The following DNAH8 variants were observed in gnomAD, a reference collection of about 807,000 sequenced individuals.
DNAH8 encodes the protein axonemal beta dynein heavy chain 8.
A neutral mutation model predicts 562.1 loss-of-function variants in DNAH8; 382 were observed. The observed-to-expected ratio is 0.68, with a 90% CI of 0.63 to 0.74. DNAH8 has a LOEUF of 0.74. Ranked by LOEUF, DNAH8 falls within the 30% of genes least tolerant of loss-of-function variation. The pLI is 0.00. For missense variants in DNAH8, 5,203 were observed against 5,620.4 expected, an observed-to-expected ratio of 0.93 and a Z score of 2.37; for synonymous variants, 1,881 against 1,919.4, an observed-to-expected ratio of 0.98 and a Z score of 0.52.
rs750470050 is a variant in DNAH8 at position 38,911,552 on chromosome 6, G to A, written c.9825G>A (p.Lys3275=). ...AAAACATTTATGCTGAAAAGGTGAA[G>A]TTCATTAATGAACAGGCTGAACGTA... The part of the protein sequence containing the change: ...GYKNIYAEKV[K]FINEQAERMN... The change falls in exon 66 of 93, where the codon AAG becomes AAA. Residue 3275 remains lysine, a synonymous_variant. Transcript: ENST00000327475. 2.5e-6 allele frequency: 4 copies of A among 1,611,910 alleles called. No individual in the cohort carries two copies. Among genetic ancestry groups the A allele is most frequent in the South Asian group, 1.1e-5 (1 of 91,032 alleles).
intron 85 of DNAH8, among the ~76,000 whole-genome samples, chr6:38,978,241 T>C (rs1411811468): frequency 6.6e-6 from 1 of 152,200 alleles, no homozygotes; most frequent in East Asian, 1.9e-4. Context: ...ACTTGGAAAT[T>C]CTATCGTGGC....
intron 79 of DNAH8, 115 bp downstream of exon 79, chr6:38,939,103 G>A (rs1055723590): frequency 7.8e-6 from 6 of 770,864 alleles, no homozygotes; most frequent in Non-Finnish European, 1.2e-5. Flanking sequence ...TCTAACGAAA[G>A]TTTAATTAAG....
chr6:38,812,482 C>T (rs1042792896), intron 24 of DNAH8, among the ~76,000 whole-genome samples: 4 of 152,198 alleles, frequency 2.6e-5, no homozygotes, highest in Non-Finnish European at 5.9e-5. Flanking sequence ...CACACACGAA[C>T]GCTAGCTTGG....
chr6:38,845,556 T>A lies in DNAH8; in HGVS notation c.4846-18T>A. 1 of 1,602,710 alleles carries A rather than the reference T, an allele frequency of 6.2e-7. No individual in the cohort carries two copies. Among genetic ancestry groups the A allele is most frequent in the Non-Finnish European group, 8.5e-7 (1 of 1,169,946 alleles). On this transcript the variant is annotated intron_variant, in intron 35 of 92. Coordinates refer to ENST00000327475, the MANE Select transcript of DNAH8 (RefSeq NM_001206927.2). ...TAGTTGAAAACATCATGACATATACTTTGCTTTTCCTTCAAAGGATATTTG... is the reference window on the plus strand; with the variant it reads ...TAGTTGAAAACATCATGACATATACATTGCTTTTCCTTCAAAGGATATTTG...
chr6:38,919,674 A>G (rs1459980571), intron 70 of DNAH8, among the ~76,000 whole-genome samples: 1 of 152,180 alleles, frequency 6.6e-6, no homozygotes, highest in East Asian at 1.9e-4. Flanking sequence ...TCCCGAAAGC[A>G]AAAAATCCTG....
chr6:38,737,311 G>A, intron 6 of DNAH8, 55 bp downstream of exon 6: 1 of 1,094,984 alleles, frequency 9.1e-7, no homozygotes, highest in Non-Finnish European at 1.2e-6. Flanking sequence ...AATTAACTAA[G>A]ATATTTCATA....
At chr6:38,966,159 G>T (rs1288265256) in intron 82 of DNAH8, among the ~76,000 whole-genome samples, 3 of 152,098 alleles carry the variant, frequency 2.0e-5, no homozygotes, top group Non-Finnish European at 4.4e-5. Context: ...AATCAGCAAT[G>T]AAAGAGGGGC....
At chr6:39,005,843 C>T (rs1202840241) in intron 88 of DNAH8, among the ~76,000 whole-genome samples, 3 of 152,226 alleles carry the variant, frequency 2.0e-5, no homozygotes, top group Admixed American at 2.0e-4. Context: ...TCTGCTCTTT[C>T]TCTCTGGCTC....
intron 30 of DNAH8, 96 bp from the exon 31 acceptor site, chr6:38,832,226 G>T: frequency 1.4e-6 from 1 of 714,012 alleles, no homozygotes. Context: ...TGTTCATATA[G>T]GATATCTGTG....
rs561435205 is a variant in DNAH8 at position 38,814,306 on chromosome 6, T to A, written c.3333+177T>A. ...ATGAAAAAGCTACTTCTGGGATGGG[T>A]GCAGTGGCTCACGCCTGTAATCCCA... On this transcript the variant is annotated intron_variant, in intron 25 of 92. Transcript: ENST00000327475. Among the ~76,000 whole-genome samples the A allele has an allele frequency of 2.6e-5, 4 of 152,308 alleles. No individual in the cohort carries two copies. In the East Asian group the frequency reaches 7.7e-4, roughly 29 times the overall value.
At chr6:38,996,968 C>T (rs1440779761) in intron 88 of DNAH8, among the ~76,000 whole-genome samples, 1 of 148,572 alleles carries the variant, frequency 6.7e-6, no homozygotes, top group African/African-American at 2.4e-5. Context: ...GGACCCCTGC[C>T]TAAAATGGGG....
Position 38,845,568 on chromosome 6 carries a change from T to C in DNAH8, c.4846-6T>C, listed in dbSNP as rs1583167934. On this transcript the variant is annotated splice_polypyrimidine_tract_variant and splice_region_variant and intron_variant, in intron 35 of 92. Transcript: ENST00000327475. ...TCATGACATATACTTTGCTTTTCCT[T>C]CAAAGGATATTTGCATATCTGCCAT... The C allele has an allele frequency of 6.2e-7, 1 of 1,611,066 alleles. No homozygotes were observed. Among genetic ancestry groups the C allele is most frequent in the Non-Finnish European group, 8.5e-7 (1 of 1,177,348 alleles).
chr6:38,993,644 T>C (rs1764939141), intron 88 of DNAH8, among the ~76,000 whole-genome samples: 1 of 151,634 alleles, frequency 6.6e-6, no homozygotes, highest in African/African-American at 2.4e-5. Flanking sequence ...CATATTGTTA[T>C]TACCCTTTCT....
At chr6:38,814,578 C>A (rs374316042) in intron 25 of DNAH8, among the ~76,000 whole-genome samples, 13 of 145,386 alleles carry the variant, frequency 8.9e-5, no homozygotes, top group African/African-American at 1.8e-4. Context: ...AAGACTCTGT[C>A]AAAAAAAAAA....
chr6:38,793,293 A>G (rs1344325552), intron 21 of DNAH8, among the ~76,000 whole-genome samples: 3 of 152,170 alleles, frequency 2.0e-5, no homozygotes, highest in African/African-American at 7.2e-5. Context: ...TGCTGGGATT[A>G]TAAGTGTGAG....
intron 4 of DNAH8, among the ~76,000 whole-genome samples, chr6:38,731,492 C>G (rs80286870): frequency 0.047 from 7,131 of 152,230 alleles, 228 homozygotes; most frequent in South Asian, 0.1. Flanking sequence ...CCAAACTGAT[C>G]TCTCAGTAGA....
At chr6:38,830,236 G>T (rs1208925570) in intron 30 of DNAH8, among the ~76,000 whole-genome samples, 1 of 152,086 alleles carries the variant, frequency 6.6e-6, no homozygotes. Context: ...TGAGGTTACT[G>T]ATTTGAGATT....
chr6:38,935,553 A>G (rs774919742), intron 76 of DNAH8, 39 bp from the exon 77 acceptor site: 2 of 1,435,512 alleles, frequency 1.4e-6, no homozygotes, highest in South Asian at 2.4e-5. Context: ...ATAACTGGTA[A>G]TTATAGTTCC....
intron 91 of DNAH8, among the ~76,000 whole-genome samples, chr6:39,013,112 T>C (rs1428795833): frequency 6.6e-6 from 1 of 152,254 alleles, no homozygotes; most frequent in Non-Finnish European, 1.5e-5. Flanking sequence ...GTTTTCTTTT[T>C]CTTTTTTCCT....
Sources: gnomAD v4.1 joint callset for allele counts (sites outside exome capture counted in the v4.1 genomes callset) on GRCh38, gnomAD v4.1.1 for gene constraint, MANE v1.5 for transcripts, NCBI Gene and HGNC (gene_info 2026-07-23, HGNC 2026-07-21) for gene names.